Variants in PTPRS observed in about 807,000 individuals in gnomAD.
The protein encoded by PTPRS is protein tyrosine phosphatase receptor type S.
In PTPRS, 63 loss-of-function variants were observed where a neutral mutation model predicts 215.3. The observed-to-expected ratio is 0.29, with a 90% CI of 0.24 to 0.36. PTPRS has a LOEUF of 0.36. Ranked by LOEUF, PTPRS falls within the 10% of genes least tolerant of loss-of-function variation. PTPRS has a pLI of 1.00. For missense variants in PTPRS, 2,258 were observed against 2,825.8 expected, an observed-to-expected ratio of 0.80 and a Z score of 4.56; for synonymous variants, 1,404 against 1,191.4, an observed-to-expected ratio of 1.18 and a Z score of -3.68.
intron 4 of PTPRS, among the ~76,000 whole-genome samples, chr19:5,269,492 GC>G (rs1050365362): frequency 6.6e-6 from 1 of 152,106 alleles, no homozygotes; most frequent in African/African-American, 2.4e-5. Context: ...CCAGGGACTG[GC>G]CGGAGGTGCC....
intron 13 of PTPRS, among the ~76,000 whole-genome samples, chr19:5,234,974 T>G (rs1232311735): frequency 1.3e-5 from 2 of 150,504 alleles, no homozygotes; most frequent in Non-Finnish European, 3.0e-5. Flanking sequence ...ACAGTCTTGC[T>G]CTGTCGCCCA....
intron 17 of PTPRS, 22 bp from the exon 18 acceptor site, chr19:5,223,319 G>C (rs2042177827): frequency 6.9e-7 from 1 of 1,441,194 alleles, no homozygotes; most frequent in East Asian, 2.6e-5. Flanking sequence ...CGGGGCAGGT[G>C]TCAGGGTCCC....
At chr19:5,277,858 G>C (rs957819931) in intron 2 of PTPRS, 32 of 879,112 alleles carry the variant, frequency 3.6e-5, no homozygotes, top group Non-Finnish European at 5.9e-5. Flanking sequence ...CAGAGGTATT[G>C]ACAACAGGGT....
In PTPRS at chr19:5,219,415, G is replaced by A. The variant is rs2041775925; in HGVS notation, c.3818C>T (p.Pro1273Leu). The A allele has an allele frequency of 1.9e-6, 3 of 1,612,628 alleles. No individual in the cohort carries two copies. The highest frequency in any genetic ancestry group is 2.5e-6 in the Non-Finnish European group (3 of 1,179,406). Residue 1273 changes from proline to leucine, a missense_variant, in exon 23 of 38, where the codon CCC becomes CTC. Coordinates refer to ENST00000262963, the MANE Select transcript of PTPRS (RefSeq NM_002850.4). ...CTCCTCGCCATCCACGATGGGCTGG[G>A]GGTCCGGGTTATCCAGCTGGAAGGG... ...SDPFQLDNPD[P>L]QPIVDGEEGL... is the part of the protein sequence containing the mutation.
intron 7 of PTPRS, 58 bp from the exon 8 acceptor site, chr19:5,258,185 GA>G (rs2045721864): frequency 7.1e-7 from 1 of 1,416,978 alleles, no homozygotes; most frequent in African/African-American, 1.4e-5. Flanking sequence ...AGTGAACAGG[GA>G]AAGCTCCCCC....
At chr19:5,207,519 C>T (rs893763629) in intron 37 of PTPRS, among the ~76,000 whole-genome samples, 1 of 152,220 alleles carries the variant, frequency 6.6e-6, no homozygotes, top group Non-Finnish European at 1.5e-5. Flanking sequence ...CTCTACTCAT[C>T]TTTTAAGACA....
chr19:5,231,312 T>C lies in PTPRS; in HGVS notation c.2153A>G (p.Asp718Gly), dbSNP rs971664522. ...CCGGGCCTGGGGCAGGTACTTACCA[T>C]CCTCGTCGGTGCGGACGACCACGGG... ...SSPVVVRTDE[D>G]VPSAPPRKVE... Residue 718 changes from aspartate (D) to glycine (G), a missense_variant and splice_region_variant, in exon 14 of 38, where the codon GAT becomes GGT. Transcript: ENST00000262963. The C allele has an allele frequency of 7.5e-6, 12 of 1,604,212 alleles. No homozygotes were observed. In the Admixed American group the frequency reaches 1.3e-4, roughly 18 times the overall value.
At chr19:5,229,386 G>C in intron 15 of PTPRS, 44 bp from the exon 16 acceptor site, 1 of 1,366,516 alleles carries the variant, frequency 7.3e-7, no homozygotes, top group Non-Finnish European at 9.5e-7. Context: ...AGGAAGGTGA[G>C]CGGGGGAGGC....
chr19:5,313,327 A>G (rs2147167218), intron 1 of PTPRS, among the ~76,000 whole-genome samples: 1 of 152,348 alleles, frequency 6.6e-6, no homozygotes, highest in African/African-American at 2.4e-5. Context: ...AAGTGAGCAG[A>G]GACAGGGGTG....
chr19:5,207,227 G>A (rs2040439753), intron 37 of PTPRS, among the ~76,000 whole-genome samples: 1 of 152,246 alleles, frequency 6.6e-6, no homozygotes. Flanking sequence ...TGGGATGACA[G>A]GCGTGTACCA....
intron 13 of PTPRS, among the ~76,000 whole-genome samples, chr19:5,235,434 G>A (rs556788016): frequency 1.3e-5 from 2 of 152,264 alleles, no homozygotes; most frequent in East Asian, 3.9e-4. Context: ...ATAAGTGAAT[G>A]TTTTCAGTAA....
In PTPRS at chr19:5,239,183, G is replaced by C. The variant is rs936422262; in HGVS notation, c.1705-120C>G. On this transcript the variant is annotated intron_variant, in intron 12 of 37. Coordinates refer to ENST00000262963, the MANE Select transcript of PTPRS (RefSeq NM_002850.4). ...GGAGGGGGAGAGAGAGAGAGAGAGA[G>C]AGAGACAGAGAAATAGAGACAGGGG... is the stretch of plus-strand genomic sequence containing the variant. 4.8e-4 allele frequency: 330 copies of C among 692,998 alleles called. 4 individuals are homozygous for C. The South Asian group carries it at 5.1e-3, about 11-fold the overall frequency. 42.9% of individuals were successfully genotyped at this position (692,998 alleles called of 1,614,324 possible). A position where few individuals can be genotyped will look rare whatever the true frequency, so the allele number is the denominator to read the frequency against.
Position 5,210,623 on chromosome 19 carries a change from C to T in PTPRS, c.5362-29G>A, listed in dbSNP as rs1273602841. 2.4e-5 allele frequency: 38 copies of T among 1,613,926 alleles called. No homozygotes were observed. Among genetic ancestry groups the T allele is most frequent in the East Asian group, 4.5e-5 (2 of 44,894 alleles). On this transcript the variant is annotated intron_variant, in intron 34 of 37. Coordinates refer to ENST00000262963, the MANE Select transcript of PTPRS (RefSeq NM_002850.4). The surrounding 1 kb of genome is among the most constrained non-coding windows in gnomAD (Gnocchi z 4.5). ...TGGAGGAGATGGCGGCCGTGGTCAG[C>T]GCTGTCTGAGCCACAGTCTGGCCCT...
intron 1 of PTPRS, among the ~76,000 whole-genome samples, chr19:5,323,759 G>C (rs2050094998): frequency 6.6e-6 from 1 of 152,180 alleles, no homozygotes; most frequent in African/African-American, 2.4e-5. Context: ...AGAGGTGAGA[G>C]CCATAGAGGG....
chr19:5,257,371 C>T lies in PTPRS; in HGVS notation c.706+646G>A, dbSNP rs917688995. ...GCCCCAGCTCGGTGCAACTACCGAG[C>T]CCCCCGGGTGCCTGTGCCCGCTGTG... On this transcript the variant is annotated intron_variant, in intron 8 of 37. Transcript: ENST00000262963. The surrounding 1 kb of genome is among the most constrained non-coding windows in gnomAD (Gnocchi z 4.4). 9 of 451,672 alleles carry T rather than the reference C, an allele frequency of 2.0e-5. No homozygotes were observed. Among genetic ancestry groups the T allele is most frequent in the African/African-American group, 8.0e-5 (4 of 49,808 alleles). 28.0% of individuals were successfully genotyped at this position (451,672 alleles called of 1,614,324 possible). A position where few individuals can be genotyped will look rare whatever the true frequency, so the allele number is the denominator to read the frequency against.
At chr19:5,222,653 G>C in intron 18 of PTPRS, 36 bp downstream of exon 18, 1 of 1,492,522 alleles carries the variant, frequency 6.7e-7, no homozygotes, top group Non-Finnish European at 8.9e-7. Flanking sequence ...CGCAAGGCCC[G>C]GTCCGGCTCT....
chr19:5,259,786 T>TCCCACAGAAATGACATGGA (rs2045843807), intron 7 of PTPRS, among the ~76,000 whole-genome samples: 2 of 152,254 alleles, frequency 1.3e-5, no homozygotes, highest in Non-Finnish European at 2.9e-5. Flanking sequence ...TTTGTGACTA[T>TCCCACAGAAATGACATGGA]CCCACAGAAA....
chr19:5,333,346 T>TAATAC (rs1555812757), intron 1 of PTPRS, among the ~76,000 whole-genome samples: 7 of 150,154 alleles, frequency 4.7e-5, no homozygotes, highest in African/African-American at 1.7e-4. Context: ...ATAATAATAA[T>TAATAC]AATACAAAAG....
rs1354849107 is a variant in PTPRS at position 5,263,045 on chromosome 19, C to G, written c.569-73G>C. The G allele has an allele frequency of 2.8e-6, 3 of 1,072,872 alleles. No individual in the cohort carries two copies. The East Asian group carries it at 7.9e-5, about 28-fold the overall frequency. 66.5% of individuals were successfully genotyped at this position (1,072,872 alleles called of 1,614,324 possible). A position where few individuals can be genotyped will look rare whatever the true frequency, so the allele number is the denominator to read the frequency against. ...CGGGTGGTTACAAAGAATCCTATGTCCTCAGCGAGGAGGGGAGGGCGGGGG... is the reference window on the plus strand; with the variant it reads ...CGGGTGGTTACAAAGAATCCTATGTGCTCAGCGAGGAGGGGAGGGCGGGGG... On this transcript the variant is annotated intron_variant, in intron 5 of 37. Transcript: ENST00000262963.
Sources: gnomAD v4.1 joint callset for allele counts (sites outside exome capture counted in the v4.1 genomes callset) on GRCh38, gnomAD v4.1.1 for gene constraint, Gnocchi (gnomAD v3.1) non-coding constraint, MANE v1.5 for transcripts, NCBI Gene and HGNC (gene_info 2026-07-23, HGNC 2026-07-21) for gene names.